Variants in EBNA1BP2 observed in about 807,000 individuals in gnomAD.
EBNA1BP2 encodes probable rRNA-processing protein EBP2.
Under a neutral mutation model 43.5 loss-of-function variants are expected in EBNA1BP2, and 36 were observed. The ratio of observed to expected loss-of-function variants is 0.83; its 90% confidence interval spans 0.63 to 1.09. The LOEUF is 1.09. Among genes scored for constraint, EBNA1BP2 ranks in the 50% least tolerant of loss-of-function variants. The pLI is 0.00. For missense variants in EBNA1BP2, 332 were observed against 379.1 expected (o/e 0.88, Z 1.03); for synonymous variants, 127 against 141.3 (o/e 0.90, Z 0.72).
chr1:43,171,401 A>C, intron 3 of EBNA1BP2, 78 bp downstream of exon 3: 2 of 1,521,696 alleles, frequency 1.3e-6, no homozygotes. Context: ...TTCTGAGTGC[A>C]GACTTACTAA....
chr1:43,169,169 A>C, intron 4 of EBNA1BP2, 141 bp from the exon 5 acceptor site: 2 of 863,670 alleles, frequency 2.3e-6, no homozygotes, highest in Non-Finnish European at 1.8e-6. Context: ...CCTGAGGACA[A>C]TGGGGCCCAC....
chr1:43,164,650 C>T lies in EBNA1BP2; in HGVS notation c.863G>A (p.Gly288Glu), dbSNP rs1348917539. The T allele has an allele frequency of 6.8e-6, 11 of 1,614,056 alleles. No homozygotes were observed. Among genetic ancestry groups the T allele is most frequent in the Non-Finnish European group, 8.5e-6 (10 of 1,180,046 alleles). Reference protein sequence around the residue: ...GRGLKRPGKKGSNKRPGKRTR... With the variant: ...GRGLKRPGKKESNKRPGKRTR... ...GCACCTGGGCTCACTTACATTTGAC[C>T]CTTTCTTGCCAGGCCTCTTGAGGCC... Residue 288 changes from glycine to glutamate, a missense_variant, in exon 8 of 9, where the codon GGG becomes GAG. This residue lies in a region of EBNA1BP2 where 59 missense variants were observed against 53.3 expected (regional missense o/e 1.11). Transcript: ENST00000236051.
At position 43,171,424 on chromosome 1, in the gene EBNA1BP2, C is replaced by T. The variant is rs1644968710; in HGVS notation, c.323+55G>A. On this transcript the variant is annotated intron_variant, in intron 3 of 8. Coordinates refer to ENST00000236051, the MANE Select transcript of EBNA1BP2 (RefSeq NM_006824.3). ...GCAGACTTACTAATTTCCCCTCTTT[C>T]CCACTCTCCTGCACAAGGATCCTCA... The T allele has an allele frequency of 3.9e-6, 6 of 1,549,802 alleles. No individual in the cohort carries two copies. The Admixed American group carries it at 1.2e-4, about 30-fold the overall frequency.
chr1:43,166,791 C>G (rs368460930), intron 7 of EBNA1BP2, 35 bp downstream of exon 7: 2 of 1,591,214 alleles, frequency 1.3e-6, no homozygotes, highest in East Asian at 4.5e-5. Context: ...TCGCACCTCA[C>G]AGAACCAAAG....
Position 43,171,664 on chromosome 1 carries a change from G to A in EBNA1BP2, c.151-13C>T, listed in dbSNP as rs749311002. Reference sequence around the variant, plus strand: ...GCTTCAGGCCATTCTAGGAAATCCAGACACTGAGCTCACAAGAAGGGAACT... The same window carrying A: ...GCTTCAGGCCATTCTAGGAAATCCAAACACTGAGCTCACAAGAAGGGAACT... On this transcript the variant is annotated splice_polypyrimidine_tract_variant and intron_variant, in intron 2 of 8. Transcript: ENST00000236051. The A allele has an allele frequency of 1.2e-6, 2 of 1,611,650 alleles. No individual in the cohort carries two copies. Among genetic ancestry groups the A allele is most frequent in the Non-Finnish European group, 1.7e-6 (2 of 1,178,954 alleles).
In EBNA1BP2 at chr1:43,164,477, C is replaced by A. The variant is rs757806675; in HGVS notation, c.887G>T (p.Arg296Leu). ...TCTGTTCTTCATCTTCTCTCTTGTT[C>A]GTTTTCCAGGTCTCTTCTACAGAAA... ...KKGSNKRPGK[R>L]TREKMKNRTH The change falls in exon 9 of 9, where the codon CGA becomes CTA. Residue 296 changes from arginine to leucine, a missense_variant. By Grantham distance (102) the Arg-to-Leu change is moderately radical. Transcript: ENST00000236051. The A allele has an allele frequency of 5.6e-6, 9 of 1,613,962 alleles. No individual in the cohort carries two copies. In the Admixed American group the frequency reaches 8.3e-5, roughly 15 times the overall value.
At chr1:43,170,373 G>C (rs1454793539) in intron 4 of EBNA1BP2, among the ~76,000 whole-genome samples, 1 of 152,272 alleles carries the variant, frequency 6.6e-6, no homozygotes, top group African/African-American at 2.4e-5. Flanking sequence ...TTACAGAGGA[G>C]AAAACTGAGG....
chr1:43,166,972 G>C (rs958051378), intron 6 of EBNA1BP2, 53 bp from the exon 7 acceptor site: 1 of 1,585,812 alleles, frequency 6.3e-7, no homozygotes, highest in Non-Finnish European at 8.6e-7. Flanking sequence ...AAGAATAAAA[G>C]TTTAAACCAC....
At position 43,171,463 on chromosome 1, in the gene EBNA1BP2, T is replaced by G; in HGVS notation, c.323+16A>C. On this transcript the variant is annotated intron_variant, in intron 3 of 8. Transcript: ENST00000236051. ...CAAGGATCCTCAACTTCTCCAACAT[T>G]TGAAAACAAACATACAAACTCATCT... 6.3e-7 allele frequency: 1 copy of G among 1,594,202 alleles called. No homozygotes were observed.
chr1:43,169,620 C>A (rs1345922814), intron 4 of EBNA1BP2, among the ~76,000 whole-genome samples: 1 of 152,190 alleles, frequency 6.6e-6, no homozygotes, highest in Non-Finnish European at 1.5e-5. Flanking sequence ...CTACAGATAT[C>A]AAAATCCACA....
At chr1:43,168,403 T>G (rs192626939) in intron 5 of EBNA1BP2, among the ~76,000 whole-genome samples, 1 of 152,368 alleles carries the variant, frequency 6.6e-6, no homozygotes, top group Admixed American at 6.5e-5. Context: ...TTTTAGGGTA[T>G]GCCTGATCTG....
At chr1:43,165,900 C>G (rs1644914873) in intron 7 of EBNA1BP2, among the ~76,000 whole-genome samples, 1 of 152,190 alleles carries the variant, frequency 6.6e-6, no homozygotes, top group Admixed American at 6.5e-5. Context: ...ATGCTTCAAG[C>G]AATGCTCAAG....
chr1:43,165,270 A>C lies in EBNA1BP2; in HGVS notation c.708-465T>G, dbSNP rs556043998. Among the ~76,000 whole-genome samples, 22 of 152,182 alleles carry C rather than the reference A, an allele frequency of 1.4e-4. No individual in the cohort carries two copies. The South Asian group carries it at 4.6e-3, about 32-fold the overall frequency. On this transcript the variant is annotated intron_variant, in intron 7 of 8. Coordinates refer to ENST00000236051, the MANE Select transcript of EBNA1BP2 (RefSeq NM_006824.3). ...AGGCATTCAAATAACATTCAAATGG[A>C]ATAACATTCAAATGTAAAACTGGTC...
intron 3 of EBNA1BP2, 175 bp downstream of exon 3, chr1:43,171,304 G>A (rs1644965742): frequency 7.3e-6 from 6 of 826,974 alleles, no homozygotes; most frequent in Admixed American, 3.8e-5. Context: ...GATCGTGACC[G>A]TGGACCAAAG....
At chr1:43,171,236 A>C in intron 3 of EBNA1BP2, 1 of 517,522 alleles carries the variant, frequency 1.9e-6, no homozygotes, top group Non-Finnish European at 3.2e-6. Context: ...TAATAACTGA[A>C]GCATGCACAA....
intron 7 of EBNA1BP2, 109 bp downstream of exon 7, chr1:43,166,717 T>G: frequency 8.9e-7 from 1 of 1,127,418 alleles, no homozygotes; most frequent in Non-Finnish European, 1.3e-6. Flanking sequence ...AGCTGCACTC[T>G]CTGGACTCTA....
chr1:43,165,489 A>AT (rs1217205300), intron 7 of EBNA1BP2, among the ~76,000 whole-genome samples: 16 of 152,084 alleles, frequency 1.1e-4, no homozygotes, highest in Non-Finnish European at 7.4e-5. Context: ...AGTCCTGCTC[A>AT]TTTCACCTCT....
chr1:43,172,536 G>A, upstream of EBNA1BP2: 1 of 1,264,032 alleles, frequency 7.9e-7, no homozygotes, highest in Non-Finnish European at 1.1e-6. Context: ...GGAGCCGCGG[G>A]GGTGGGGTGG....
At position 43,171,515 on chromosome 1, in the gene EBNA1BP2, A is replaced by G. The variant is rs755220974; in HGVS notation, c.287T>C (p.Val96Ala). The G allele has an allele frequency of 6.2e-7, 1 of 1,611,124 alleles. No homozygotes were observed. Among genetic ancestry groups the G allele is most frequent in the Non-Finnish European group, 8.5e-7 (1 of 1,179,266 alleles). Residue 96 changes from valine to alanine, a missense_variant, in exon 3 of 9, where the codon GTT (valine) becomes GCT (alanine). This residue lies in a region of EBNA1BP2 where 182 missense variants were observed against 173.7 expected (regional missense o/e 1.05). Transcript: ENST00000236051. ...TCGCTGGAAGTCGTCTTCTGGATCA[A>G]CAGCTTTCTGGTCCTTGTTCTGAGG... ...PAPQNKDQKA[V>A]DPEDDFQREM...
Sources: allele counts gnomAD v4.1 joint callset (sites outside exome capture counted in the v4.1 genomes callset), GRCh38; gene constraint gnomAD v4.1.1; regional missense constraint gnomAD v4.1.1; transcripts MANE v1.5; gene names NCBI Gene and HGNC (gene_info 2026-07-23, HGNC 2026-07-21).